Variants in ADCY1 observed in about 807,000 individuals in gnomAD.
The protein encoded by ADCY1 is adenylate cyclase type 1.
A neutral mutation model predicts 105.4 loss-of-function variants in ADCY1; 28 were observed. The observed-to-expected ratio is 0.27, with a 90% CI of 0.20 to 0.36. The LOEUF (loss-of-function observed/expected upper bound fraction) is 0.36. ADCY1 is among the 10% of genes least tolerant of loss of function. The probability of loss-of-function intolerance (pLI) is 1.00; values close to 1 mark genes in which losing one functional copy is unlikely to be tolerated. For synonymous variants in ADCY1, 655 were observed against 623.8 expected, an observed-to-expected ratio of 1.05 and a Z score of -0.75; for missense variants, 977 against 1,434.2, an observed-to-expected ratio of 0.68 and a Z score of 5.15.
intron 2 of ADCY1, among the ~76,000 whole-genome samples, chr7:45,593,563 T>G (rs1203174666): frequency 6.6e-6 from 1 of 152,198 alleles, no homozygotes; most frequent in Non-Finnish European, 1.5e-5. Flanking sequence ...GTGCCCAGCA[T>G]GTGGGCTTAG....
intron 3 of ADCY1, among the ~76,000 whole-genome samples, chr7:45,612,994 A>G (rs1399708755): frequency 2.0e-5 from 3 of 152,236 alleles, no homozygotes; most frequent in Non-Finnish European, 4.4e-5. Context: ...GGACCGGTCC[A>G]TGAAGATTGG....
rs1276685456 is a variant in ADCY1, at chr7:45,686,393, TATG to T, written c.2328-151_2328-149del. Among the ~76,000 whole-genome samples, 1 of 152,242 alleles carries T rather than the reference TATG, an allele frequency of 6.6e-6. No individual in the cohort carries two copies. The highest frequency in any genetic ancestry group is 2.4e-5 in the African/African-American group (1 of 41,466). ...GTTCTAGCAAGGACTCAGATTTCCC[TATG>T]ATAAGTGATTCTTGGCCAAGGTCAA... is the stretch of plus-strand genomic sequence containing the variant. On this transcript the variant is annotated intron_variant, in intron 13 of 19. Transcript: ENST00000297323. The surrounding 1 kb of genome is among the most constrained non-coding windows in gnomAD (Gnocchi z 4.3).
intron 5 of ADCY1, among the ~76,000 whole-genome samples, chr7:45,656,878 G>C (rs1418876215): frequency 1.3e-5 from 2 of 152,230 alleles, no homozygotes; most frequent in African/African-American, 4.8e-5. Context: ...GAGGAGGTTG[G>C]CCTCTTAAGC....
intron 1 of ADCY1, among the ~76,000 whole-genome samples, chr7:45,580,107 A>T (rs375927852): frequency 6.6e-6 from 1 of 152,128 alleles, no homozygotes; most frequent in Admixed American, 6.5e-5. Flanking sequence ...GGCAGCTGGG[A>T]TGAGGGTGAG....
Position 45,661,984 on chromosome 7 carries a change from A to G in ADCY1, c.1450-75A>G, listed in dbSNP as rs915171336. Reference sequence around the variant, plus strand: ...CCCTGGGGTGGCTGTGTTTGTCAGGATGGCATTCCCAGTCCGAGAGGCACA... The same window carrying G: ...CCCTGGGGTGGCTGTGTTTGTCAGGGTGGCATTCCCAGTCCGAGAGGCACA... On this transcript the variant is annotated intron_variant, in intron 7 of 19. Coordinates refer to ENST00000297323, the MANE Select transcript of ADCY1 (RefSeq NM_021116.4). The G allele has an allele frequency of 3.3e-5, 50 of 1,536,646 alleles. 1 individual carries two copies. Among genetic ancestry groups the G allele is most frequent in the Middle Eastern group, 3.5e-4 (2 of 5,744 alleles).
At chr7:45,581,120 G>A (rs1792526707) in intron 1 of ADCY1, among the ~76,000 whole-genome samples, 1 of 152,108 alleles carries the variant, frequency 6.6e-6, no homozygotes, top group Admixed American at 6.5e-5. Context: ...CTTTAGGCTT[G>A]GGATGATCCC....
At position 45,698,164 on chromosome 7, in the gene ADCY1, TACACAC is replaced by T. The variant is rs72397514; in HGVS notation, c.2455-5192_2455-5187del. Among the ~76,000 whole-genome samples, 154 of 147,702 alleles carry T rather than the reference TACACAC, an allele frequency of 1.0e-3. 1 individual carries two copies. Among genetic ancestry groups the T allele is most frequent in the African/African-American group, 2.6e-3 (106 of 40,322 alleles). On this transcript the variant is annotated intron_variant, in intron 14 of 19. Coordinates refer to ENST00000297323, the MANE Select transcript of ADCY1 (RefSeq NM_021116.4). ...GCACACACAAACACACATACTCTCTTACACACACACACACACACACACACATACACC... is the reference window on the plus strand; with the variant it reads ...GCACACACAAACACACATACTCTCTTACACACACACACACACACATACACC...
Position 45,721,432 on chromosome 7 carries a change from C to T in ADCY1, c.*7437C>T, listed in dbSNP as rs1445542318. On this transcript the variant is annotated 3_prime_UTR_variant, in exon 20 of 20. Transcript: ENST00000297323. ...GTCATTGCGTCTAATTTCAAATATA[C>T]AGAATCTCCTTAAGAGCTGTTGCCT... 2.7e-6 allele frequency: 1 copy of T among 375,000 alleles called. No individual in the cohort carries two copies. The highest frequency in any genetic ancestry group is 2.1e-5 in the African/African-American group (1 of 48,394). 23.2% of individuals were successfully genotyped at this position (375,000 alleles called of 1,614,324 possible). A position where few individuals can be genotyped will look rare whatever the true frequency, so the allele number is the denominator to read the frequency against.
intron 4 of ADCY1, among the ~76,000 whole-genome samples, chr7:45,629,353 C>G (rs1794162485): frequency 6.6e-6 from 1 of 152,086 alleles, no homozygotes; most frequent in Non-Finnish European, 1.5e-5. Flanking sequence ...TCTGTTTATT[C>G]ACTTTTTGAT....
At chr7:45,707,632 C>T (rs1785146732) in intron 17 of ADCY1, among the ~76,000 whole-genome samples, 1 of 152,100 alleles carries the variant, frequency 6.6e-6, no homozygotes, top group South Asian at 2.1e-4. Flanking sequence ...ATAGAATGGA[C>T]AATACCAAGA....
At chr7:45,627,404 A>G (rs1794092752) in intron 4 of ADCY1, among the ~76,000 whole-genome samples, 1 of 152,018 alleles carries the variant, frequency 6.6e-6, no homozygotes, top group African/African-American at 2.4e-5. Context: ...CTCATTCATC[A>G]CTGTGTGTGT....
chr7:45,662,786 G>A (rs1430042600), intron 8 of ADCY1, among the ~76,000 whole-genome samples: 3 of 152,106 alleles, frequency 2.0e-5, no homozygotes, highest in Non-Finnish European at 4.4e-5. Flanking sequence ...CCCCTCGCCC[G>A]CAGTGCCTGA....
In ADCY1 at chr7:45,704,631, G is replaced by A; in HGVS notation, c.2817+15G>A. 1 of 1,607,938 alleles carries A rather than the reference G, an allele frequency of 6.2e-7. No individual in the cohort carries two copies. The highest frequency in any genetic ancestry group is 8.5e-7 in the Non-Finnish European group (1 of 1,174,922). ...CGGGGACCAAGGTGAGTGCAGCCTG[G>A]CGCTGCCTGCTTGGGGACTGGGTCC... On this transcript the variant is annotated intron_variant, in intron 17 of 19. Coordinates refer to ENST00000297323, the MANE Select transcript of ADCY1 (RefSeq NM_021116.4).
intron 8 of ADCY1, among the ~76,000 whole-genome samples, chr7:45,676,002 T>C (rs981124209): frequency 1.3e-5 from 2 of 152,168 alleles, no homozygotes; most frequent in African/African-American, 2.4e-5. Flanking sequence ...CATGAATGAA[T>C]GTTAAATTTT....
At chr7:45,699,240 C>T (rs988289236) in intron 14 of ADCY1, among the ~76,000 whole-genome samples, 1 of 152,186 alleles carries the variant, frequency 6.6e-6, no homozygotes, top group Non-Finnish European at 1.5e-5. Flanking sequence ...TCAGTCCTTC[C>T]ATCCTGGTAC....
Position 45,657,751 on chromosome 7 carries a change from G to A in ADCY1, c.1173G>A (p.Val391=). 2 of 1,613,940 alleles carry A rather than the reference G, an allele frequency of 1.2e-6. No homozygotes were observed. Among genetic ancestry groups the A allele is most frequent in the Middle Eastern group, 1.6e-4 (1 of 6,062 alleles). ...GATCTGTGGCTGAAGCCACCGAGGT[G>A]GATCTGAACATGCGTGTGGGTCTGC... ...TITSVAEATE[V]DLNMRVGLHT... The change falls in exon 6 of 20, where the codon GTG becomes GTA. Residue 391 remains valine (V), a synonymous_variant. Coordinates refer to ENST00000297323, the MANE Select transcript of ADCY1 (RefSeq NM_021116.4).
At chr7:45,666,534 A>ACAGTCTGT (rs1387507371) in intron 8 of ADCY1, among the ~76,000 whole-genome samples, 2 of 152,198 alleles carry the variant, frequency 1.3e-5, no homozygotes, top group Non-Finnish European at 2.9e-5. Flanking sequence ...TCATTGTTGG[A>ACAGTCTGT]CATTTGGGTT....
chr7:45,610,836 G>GTGTGGAGGCGATATTGGAGT (rs1793545170), intron 3 of ADCY1, among the ~76,000 whole-genome samples: 6 of 143,130 alleles, frequency 4.2e-5, no homozygotes, highest in Admixed American at 7.0e-5. Flanking sequence ...GATAGTGGAG[G>GTGTGGAGGCGATATTGGAGT]TGTGGAGGCG....
chr7:45,595,131 T>C (rs113466944), intron 2 of ADCY1, among the ~76,000 whole-genome samples: 10,766 of 152,328 alleles, frequency 0.071, 393 homozygotes, highest in African/African-American at 0.083. Flanking sequence ...TGTCATTTCT[T>C]TCCCAAGTTT....
Sources: allele counts gnomAD v4.1 joint callset (sites outside exome capture counted in the v4.1 genomes callset), GRCh38; gene constraint gnomAD v4.1.1; non-coding constraint Gnocchi (gnomAD v3.1); transcripts MANE v1.5; gene names NCBI Gene and HGNC (gene_info 2026-07-23, HGNC 2026-07-21).